WSCD2: variants seen among roughly 807,000 people sequenced by gnomAD.
WSCD2 encodes the protein WSC domain sialate O sulfotransferase 2, also known as sialate:O-sulfotransferase 2.
WSCD2 carries 28 observed loss-of-function variants against 55.7 expected under a neutral mutation model. The observed-to-expected ratio is 0.50, with a 90% CI of 0.37 to 0.69. The LOEUF (loss-of-function observed/expected upper bound fraction) is 0.69. Ranked by LOEUF, WSCD2 falls within the 30% of genes least tolerant of loss-of-function variation. The probability of loss-of-function intolerance (pLI) is 0.00; values close to 1 mark genes in which losing one functional copy is unlikely to be tolerated. For synonymous variants in WSCD2, 301 were observed against 301.9 expected, an observed-to-expected ratio of 1.00 and a Z score of 0.03; for missense variants, 616 against 762.1, an observed-to-expected ratio of 0.81 and a Z score of 2.26.
chr12:108,191,075 T>C (rs1423621778), intron 1 of WSCD2, among the ~76,000 whole-genome samples: 1 of 152,148 alleles, frequency 6.6e-6, no homozygotes, highest in Admixed American at 6.5e-5. Flanking sequence ...CAACATGCTA[T>C]GAACAAATAG....
rs544159085 is a variant in WSCD2 at position 108,240,424 on chromosome 12, G to C, written c.1225G>C (p.Glu409Gln). The change falls in exon 8 of 9, where the codon GAG becomes CAG. Residue 409 changes from glutamate (E) to glutamine (Q), a missense_variant. Glu to Gln is a conservative substitution (Grantham distance 29). Coordinates refer to ENST00000547525, the MANE Select transcript of WSCD2 (RefSeq NM_014653.4). ...KTHESGQKEI[E>Q]AFDAAILLIR... ...GCACGAAAGCGGCCAGAAAGAGATC[G>C]AGGCCTTCGACGCCGCCATCCTGCT... The C allele has an allele frequency of 5.0e-6, 8 of 1,614,134 alleles. No individual in the cohort carries two copies. In the South Asian group the frequency reaches 7.7e-5, roughly 16 times the overall value.
intron 1 of WSCD2, among the ~76,000 whole-genome samples, chr12:108,134,815 T>C (rs1024703992): frequency 3.3e-5 from 5 of 152,212 alleles, no homozygotes; most frequent in African/African-American, 1.2e-4. Flanking sequence ...GTGCACACAC[T>C]ATGCCAGGAG....
chr12:108,236,201 A>C (rs924913400), intron 7 of WSCD2, among the ~76,000 whole-genome samples: 21 of 152,282 alleles, frequency 1.4e-4, no homozygotes, highest in Middle Eastern at 3.4e-3. Context: ...GGATGGCTGG[A>C]CGCATGTTCC....
At chr12:108,224,651 T>G (rs746508545) in intron 4 of WSCD2, 88 bp from the exon 5 acceptor site, 1 of 1,521,528 alleles carries the variant, frequency 6.6e-7, no homozygotes, top group Non-Finnish European at 8.8e-7. Context: ...GACTCTTGCC[T>G]TCTCTGAGCT....
intron 1 of WSCD2, among the ~76,000 whole-genome samples, chr12:108,158,852 G>C (rs1878788683): frequency 6.6e-6 from 1 of 152,100 alleles, no homozygotes; most frequent in African/African-American, 2.4e-5. Flanking sequence ...CAATACAATG[G>C]TGAACAAAGC....
At chr12:108,134,154 G>T (rs1026762515) in intron 1 of WSCD2, among the ~76,000 whole-genome samples, 1 of 152,166 alleles carries the variant, frequency 6.6e-6, no homozygotes, top group African/African-American at 2.4e-5. Context: ...AGGAGGGCAG[G>T]ACTGGGCCAC....
chr12:108,206,678 G>A (rs902715505), intron 3 of WSCD2, among the ~76,000 whole-genome samples: 1 of 152,222 alleles, frequency 6.6e-6, no homozygotes, highest in Non-Finnish European at 1.5e-5. Flanking sequence ...AGGGTACAGG[G>A]TCAGCTAGCT....
intron 6 of WSCD2, among the ~76,000 whole-genome samples, chr12:108,227,851 T>A (rs988741308): frequency 1.3e-5 from 2 of 152,086 alleles, no homozygotes. Context: ...GTGACGCTGA[T>A]AGTGCTGATG....
At chr12:108,181,878 G>A (rs1034237746) in intron 1 of WSCD2, among the ~76,000 whole-genome samples, 2 of 152,192 alleles carry the variant, frequency 1.3e-5, no homozygotes, top group African/African-American at 4.8e-5. Flanking sequence ...CCCATGGTAA[G>A]CATTTTAAAC....
At chr12:108,191,261 G>T (rs1883119450) in intron 1 of WSCD2, among the ~76,000 whole-genome samples, 1 of 152,182 alleles carries the variant, frequency 6.6e-6, no homozygotes, top group Non-Finnish European at 1.5e-5. Context: ...CATATAGTAG[G>T]TATTCAACAA....
intron 2 of WSCD2, among the ~76,000 whole-genome samples, chr12:108,204,880 T>C (rs915328069): frequency 1.3e-5 from 2 of 152,198 alleles, no homozygotes; most frequent in Non-Finnish European, 2.9e-5. Flanking sequence ...GGAAAGAAGC[T>C]CAGTTTAAAC....
chr12:108,197,795 C>T (rs1884121661), intron 2 of WSCD2, among the ~76,000 whole-genome samples: 1 of 151,866 alleles, frequency 6.6e-6, no homozygotes, highest in African/African-American at 2.4e-5. Flanking sequence ...ATTCCAGACG[C>T]CTCCCACAGT....
At chr12:108,198,205 T>C (rs1592998214) in intron 2 of WSCD2, among the ~76,000 whole-genome samples, 1 of 152,068 alleles carries the variant, frequency 6.6e-6, no homozygotes, top group African/African-American at 2.4e-5. Context: ...CTATTACCTG[T>C]CCTGCCTGTC....
At chr12:108,230,938 G>A (rs188099420) in intron 6 of WSCD2, among the ~76,000 whole-genome samples, 52 of 152,286 alleles carry the variant, frequency 3.4e-4, no homozygotes, top group Admixed American at 1.6e-3. Flanking sequence ...GCAATGTGGC[G>A]GTGATGGGGT....
intron 1 of WSCD2, among the ~76,000 whole-genome samples, chr12:108,154,125 G>A (rs4964639): frequency 0.77 from 117,634 of 152,164 alleles, 46,207 homozygotes; most frequent in East Asian, 0.91. Context: ...GTGGGTAGAT[G>A]GTGTCCTGGA....
At chr12:108,132,986 T>C (rs1953000346) in intron 1 of WSCD2, among the ~76,000 whole-genome samples, 1 of 152,230 alleles carries the variant, frequency 6.6e-6, no homozygotes, top group African/African-American at 2.4e-5. Context: ...TGAATGTCTC[T>C]GTGTAAACGT....
rs114444383 is a variant in WSCD2, at chr12:108,159,147, T to A, written c.-552+29221T>A. Reference sequence around the variant, plus strand: ...GTCCCACCTCTGGAGGTTGCCCTGGTTGTTCCTCCATCTGGTTTCCTTTTC... The same window carrying A: ...GTCCCACCTCTGGAGGTTGCCCTGGATGTTCCTCCATCTGGTTTCCTTTTC... On this transcript the variant is annotated intron_variant, in intron 1 of 8. Coordinates refer to ENST00000547525, the MANE Select transcript of WSCD2 (RefSeq NM_014653.4). 6.2e-3 allele frequency among the ~76,000 whole-genome samples: 937 copies of A among 152,322 alleles called. 15 individuals are homozygous for A. The highest frequency in any genetic ancestry group is 0.021 in the African/African-American group (892 of 41,570).
chr12:108,140,892 G>A (rs1876728044), intron 1 of WSCD2, among the ~76,000 whole-genome samples: 1 of 152,196 alleles, frequency 6.6e-6, no homozygotes. Context: ...TAGAACGTGG[G>A]CCTTTCACAT....
At chr12:108,156,077 CCAA>C (rs1294730393) in intron 1 of WSCD2, among the ~76,000 whole-genome samples, 2 of 152,178 alleles carry the variant, frequency 1.3e-5, no homozygotes, top group Non-Finnish European at 2.9e-5. Context: ...TAAATGCTTG[CCAA>C]AACTCTAAAA....
Sources: gnomAD v4.1 joint callset for allele counts (sites outside exome capture counted in the v4.1 genomes callset) on GRCh38, gnomAD v4.1.1 for gene constraint, MANE v1.5 for transcripts, NCBI Gene and HGNC (gene_info 2026-07-23, HGNC 2026-07-21) for gene names.